The following DAPK3 variants were observed in gnomAD, a reference collection of about 807,000 sequenced individuals.
DAPK3 encodes the protein death-associated protein kinase 3.
DAPK3 carries 24 observed loss-of-function variants against 30.6 expected under a neutral mutation model. That is an observed-to-expected ratio of 0.78 (90% CI 0.57 to 1.10). The LOEUF is 1.10. Among genes scored for constraint, DAPK3 ranks in the 50% least tolerant of loss-of-function variants. The probability of loss-of-function intolerance (pLI) is 0.00; values close to 1 mark genes in which losing one functional copy is unlikely to be tolerated. For synonymous variants in DAPK3, 341 were observed against 284.0 expected, an observed-to-expected ratio of 1.20 and a Z score of -2.02; for missense variants, 629 against 657.3, an observed-to-expected ratio of 0.96 and a Z score of 0.47.
chr19:3,959,359 C>G lies in DAPK3; in HGVS notation c.1107G>C (p.Glu369Asp). The change falls in exon 9 of 9, where the codon GAG (glutamate) becomes GAC (aspartate). Residue 369 changes from glutamate (E) to aspartate (D), a missense_variant. By Grantham distance (45) the Glu-to-Asp change is conservative (BLOSUM62 2). This residue lies in a region of DAPK3 where 323 missense variants were observed against 278.8 expected (regional missense o/e 1.16). Transcript: ENST00000545797. ...GGTCCTGGCCCAGGCTGTCGCTCTC[C>G]TCGCGGTACCAGGCCTCCTTCTCCT... ...IYEEKEAWYR[E>D]ESDSLGQDLR... 1.3e-6 allele frequency: 2 copies of G among 1,584,902 alleles called. No individual in the cohort carries two copies. Among genetic ancestry groups the G allele is most frequent in the Non-Finnish European group, 1.7e-6 (2 of 1,173,194 alleles).
At position 3,959,045 on chromosome 19, in the gene DAPK3, G is replaced by T; in HGVS notation, c.*56C>A. 2 of 1,154,564 alleles carry T rather than the reference G, an allele frequency of 1.7e-6. No homozygotes were observed. The highest frequency in any genetic ancestry group is 2.4e-6 in the Non-Finnish European group (2 of 845,950). 71.5% of individuals were successfully genotyped at this position (1,154,564 alleles called of 1,614,324 possible). On this transcript the variant is annotated 3_prime_UTR_variant, in exon 9 of 9. Coordinates refer to ENST00000545797, the MANE Select transcript of DAPK3 (RefSeq NM_001348.3). The stretch of plus-strand genomic sequence containing the variant: ...GGGAGGCGCAGCGTCCACAGGAAGC[G>T]CCCCCACCGCAGGCCGAGCTCCGGC...
In DAPK3 at chr19:3,959,323, T is replaced by C. The variant is rs755678108; in HGVS notation, c.1143A>G (p.Leu381=). The part of the protein sequence containing the change: ...SDSLGQDLRR[L]RQELLKTEAL... ...CCTCGGTCTTGAGCAGCTCCTGCCG[T>C]AGCCTCCGCAGGTCCTGGCCCAGGC... Residue 381 remains leucine (L), a synonymous_variant, in exon 9 of 9, where the codon CTA becomes CTG. Transcript: ENST00000545797. 6.3e-7 allele frequency: 1 copy of C among 1,593,008 alleles called. No homozygotes were observed. Among genetic ancestry groups the C allele is most frequent in the Non-Finnish European group, 8.5e-7 (1 of 1,176,580 alleles).
rs35117218 is a variant in DAPK3, at chr19:3,962,787, CAAAAAAAAAAAA to C, written c.629+844_629+855del. Among the ~76,000 whole-genome samples the C allele has an allele frequency of 1.8e-3, 122 of 68,070 alleles. 2 individuals are homozygous for C. Among genetic ancestry groups the C allele is most frequent in the African/African-American group, 6.7e-3 (105 of 15,588 alleles). 44.7% of individuals were successfully genotyped at this position (68,070 alleles called of 152,430 possible). A position where few individuals can be genotyped will look rare whatever the true frequency, so the allele number is the denominator to read the frequency against. ...GGGCAACAAGAGCGAAACTCTGTCT[CAAAAAAAAAAAA>C]AAAAAAAAAAAAATTAGCCAGCTGG... is the stretch of plus-strand genomic sequence containing the variant. On this transcript the variant is annotated intron_variant, in intron 6 of 8. Coordinates refer to ENST00000545797, the MANE Select transcript of DAPK3 (RefSeq NM_001348.3).
chr19:3,959,991 G>GC lies in DAPK3; in HGVS notation c.828+67dup, dbSNP rs767248944. Reference sequence around the variant, plus strand: ...CATCCACAAGCCTTAAATGCTGAAGGCCCCCCGGGACCCCAGCGAGAAGGC... The same window carrying GC: ...CATCCACAAGCCTTAAATGCTGAAGGCCCCCCCGGGACCCCAGCGAGAAGGC... On this transcript the variant is annotated intron_variant, in intron 8 of 8. Coordinates refer to ENST00000545797, the MANE Select transcript of DAPK3 (RefSeq NM_001348.3). 13 of 889,604 alleles carry GC rather than the reference G, an allele frequency of 1.5e-5. 1 individual carries two copies. Among genetic ancestry groups the GC allele is most frequent in the South Asian group, 9.2e-5 (7 of 76,150 alleles). 55.1% of individuals were successfully genotyped at this position (889,604 alleles called of 1,614,324 possible). A position where few individuals can be genotyped will look rare whatever the true frequency, so the allele number is the denominator to read the frequency against.
chr19:3,960,075 T>A lies in DAPK3; in HGVS notation c.812A>T (p.Glu271Val). The A allele has an allele frequency of 6.4e-7, 1 of 1,569,168 alleles. No individual in the cohort carries two copies. Among genetic ancestry groups the A allele is most frequent in the Non-Finnish European group, 8.8e-7 (1 of 1,139,396 alleles). ...CCCACTTACCTTAATCCAGGAATGT[T>A]CCAGGCTCTGGGCAATGGTCATTCT... ...KRRMTIAQSL[E>V]HSWIKAIRRR... The change falls in exon 8 of 9, where the codon GAA (glutamate) becomes GTA (valine). Residue 271 changes from glutamate (E) to valine (V), a missense_variant. Physicochemically the swap from Glu to Val is moderately radical, Grantham distance 121. Around this residue, in one of 2 missense-constraint regions of DAPK3, gnomAD observed 323 missense variants for 278.8 expected, o/e 1.16. Transcript: ENST00000545797.
intron 2 of DAPK3, 30 bp from the exon 3 acceptor site, chr19:3,965,021 T>G (rs1599180932): frequency 4.8e-6 from 6 of 1,246,230 alleles, no homozygotes; most frequent in African/African-American, 1.5e-5. Flanking sequence ...TGAGTGGGGG[T>G]GGAGGAGGCG....
At position 3,969,755 on chromosome 19, in the gene DAPK3, A is replaced by G. The variant is rs2039615931; in HGVS notation, c.-20T>C. 11 of 1,600,678 alleles carry G rather than the reference A, an allele frequency of 6.9e-6. No individual in the cohort carries two copies. The highest frequency in any genetic ancestry group is 9.4e-6 in the Non-Finnish European group (11 of 1,170,342). On this transcript the variant is annotated 5_prime_UTR_variant, in exon 2 of 9. Transcript: ENST00000545797. ...GGACATGGCGGCCGGTCCGCCTTCCAGCAGCTTCCACTCCAGGGAAAGTGC... is the reference window on the plus strand; with the variant it reads ...GGACATGGCGGCCGGTCCGCCTTCCGGCAGCTTCCACTCCAGGGAAAGTGC...
chr19:3,967,740 G>A (rs903627857), intron 2 of DAPK3, among the ~76,000 whole-genome samples: 1 of 152,202 alleles, frequency 6.6e-6, no homozygotes, highest in Non-Finnish European at 1.5e-5. Context: ...CGGCAACAGA[G>A]CCAGACACCG....
intron 6 of DAPK3, 29 bp downstream of exon 6, chr19:3,963,614 A>G (rs1401018749): frequency 3.4e-6 from 5 of 1,455,912 alleles, no homozygotes; most frequent in Non-Finnish European, 4.6e-6. Flanking sequence ...TGTGTTGCAC[A>G]GCCGAGGGGG....
chr19:3,958,770 A>T lies in DAPK3; in HGVS notation c.*331T>A, dbSNP rs1016128657. On this transcript the variant is annotated 3_prime_UTR_variant, in exon 9 of 9. Coordinates refer to ENST00000545797, the MANE Select transcript of DAPK3 (RefSeq NM_001348.3). ...GCAAACCCTCCTCCGGGCCTGAACC[A>T]GGGCTGCATTCGGGCCGCCTCTGCG... 6.2e-6 allele frequency: 3 copies of T among 482,196 alleles called. No homozygotes were observed. In the Admixed American group the frequency reaches 1.0e-4, roughly 16 times the overall value. 29.9% of individuals were successfully genotyped at this position (482,196 alleles called of 1,614,324 possible). A position where few individuals can be genotyped will look rare whatever the true frequency, so the allele number is the denominator to read the frequency against.
intron 4 of DAPK3, 132 bp from the exon 5 acceptor site, chr19:3,964,051 T>C (rs2039547550): frequency 1.2e-6 from 1 of 812,300 alleles, no homozygotes; most frequent in African/African-American, 1.7e-5. Flanking sequence ...GAGCTGGCCC[T>C]CAGGGCCTGA....
At chr19:3,962,189 AGGCTAACGTCTTGGTGTTCAT>A (rs1333215837) in intron 6 of DAPK3, among the ~76,000 whole-genome samples, 5 of 152,196 alleles carry the variant, frequency 3.3e-5, no homozygotes, top group Admixed American at 3.3e-4. Flanking sequence ...CGTAGCACCA[AGGCTAACGTCTTGGTGTTCAT>A]AACGTTCGTG....
chr19:3,967,391 T>TCAA (rs2039589266), intron 2 of DAPK3, among the ~76,000 whole-genome samples: 1 of 151,672 alleles, frequency 6.6e-6, no homozygotes, highest in Non-Finnish European at 1.5e-5. Context: ...AGACGGAGGT[T>TCAA]GCAGTGAGCT....
Position 3,968,340 on chromosome 19 carries a change from C to CA in DAPK3, c.62+1333dup, listed in dbSNP as rs567564796. Among the ~76,000 whole-genome samples the CA allele has an allele frequency of 9.7e-4, 147 of 152,192 alleles. 2 individuals carry two copies. Among genetic ancestry groups the CA allele is most frequent in the Non-Finnish European group, 4.6e-4 (31 of 68,000 alleles). Reference sequence around the variant, plus strand: ...TGAAATCCTGTCTCTACTAAAAATACAAAAATTAGCCAGGGGTGGTGGCGG... The same window carrying CA: ...TGAAATCCTGTCTCTACTAAAAATACAAAAAATTAGCCAGGGGTGGTGGCGG... On this transcript the variant is annotated intron_variant, in intron 2 of 8. Transcript: ENST00000545797.
At position 3,958,782 on chromosome 19, in the gene DAPK3, G is replaced by A. The variant is rs1376432213; in HGVS notation, c.*319C>T. On this transcript the variant is annotated 3_prime_UTR_variant, in exon 9 of 9. Coordinates refer to ENST00000545797, the MANE Select transcript of DAPK3 (RefSeq NM_001348.3). ...CCGGGCCTGAACCAGGGCTGCATTC[G>A]GGCCGCCTCTGCGCCTCGGTGGGTC... 30 of 538,176 alleles carry A rather than the reference G, an allele frequency of 5.6e-5. No individual in the cohort carries two copies. The highest frequency in any genetic ancestry group is 5.3e-4 in the East Asian group (16 of 30,284). 33.3% of individuals were successfully genotyped at this position (538,176 alleles called of 1,614,324 possible).
intron 6 of DAPK3, chr19:3,961,744 G>A: frequency 3.0e-6 from 1 of 337,282 alleles, no homozygotes. Context: ...AAGCCAGACA[G>A]AGGAACAGCC....
At position 3,960,111 on chromosome 19, in the gene DAPK3, G is replaced by A. The variant is rs1344168158; in HGVS notation, c.783-7C>T. ...GGCAATGGTCATTCTCCGCCTGGAA[G>A]ACCCCCGCTCTGGTTAGGTACACCT... On this transcript the variant is annotated splice_region_variant and splice_polypyrimidine_tract_variant and intron_variant, in intron 7 of 8. Coordinates refer to ENST00000545797, the MANE Select transcript of DAPK3 (RefSeq NM_001348.3). 6.6e-7 allele frequency: 1 copy of A among 1,522,674 alleles called. No homozygotes were observed. Among genetic ancestry groups the A allele is most frequent in the Non-Finnish European group, 9.1e-7 (1 of 1,096,946 alleles). The allele number at this position is 1,522,674 out of a possible 1,614,324, so 94.3% of individuals were successfully genotyped here. A position where few individuals can be genotyped will look rare whatever the true frequency, so the allele number is the denominator to read the frequency against.
Position 3,959,247 on chromosome 19 carries a change from T to C in DAPK3, c.1219A>G (p.Ser407Gly). ...EEAKGALLGT[S>G]GLKRRFSRLE... ...CGGCTGAAGCGGCGCTTGAGGCCGC[T>C]GGTCCCCAGCAGCGCGCCCTTGGCC... The change falls in exon 9 of 9, where the codon AGC becomes GGC. Residue 407 changes from serine (S) to glycine (G), a missense_variant. Physicochemically the swap from Ser to Gly is moderately conservative, Grantham distance 56 (BLOSUM62 0). Around this residue, in one of 2 missense-constraint regions of DAPK3, gnomAD observed 323 missense variants for 278.8 expected, o/e 1.16. Transcript: ENST00000545797. The C allele has an allele frequency of 2.5e-6, 4 of 1,600,404 alleles. No individual in the cohort carries two copies. The highest frequency in any genetic ancestry group is 3.4e-6 in the Non-Finnish European group (4 of 1,178,608).
intron 2 of DAPK3, among the ~76,000 whole-genome samples, chr19:3,966,840 C>T (rs1025817649): frequency 1.4e-5 from 2 of 146,578 alleles, no homozygotes; most frequent in Non-Finnish European, 2.9e-5. Flanking sequence ...CTCCAGACAG[C>T]CCCCGGTCTC....
Sources: allele counts gnomAD v4.1 joint callset (sites outside exome capture counted in the v4.1 genomes callset), GRCh38; gene constraint gnomAD v4.1.1; regional missense constraint gnomAD v4.1.1; transcripts MANE v1.5; gene names NCBI Gene and HGNC (gene_info 2026-07-23, HGNC 2026-07-21).